The following COL25A1 variants were observed in gnomAD, a reference collection of about 807,000 sequenced individuals.
COL25A1 encodes collagen alpha-1(XXV) chain.
A neutral mutation model predicts 128.4 loss-of-function variants in COL25A1; 103 were observed. The observed-to-expected ratio is 0.80, with a 90% CI of 0.68 to 0.94. The LOEUF (loss-of-function observed/expected upper bound fraction) is 0.94. Among genes scored for constraint, COL25A1 ranks in the 40% least tolerant of loss-of-function variants. The probability of loss-of-function intolerance (pLI) is 0.00; values close to 1 mark genes in which losing one functional copy is unlikely to be tolerated. For missense variants in COL25A1, 745 were observed against 840.0 expected (o/e 0.89, Z 1.40); for synonymous variants, 279 against 277.2 (o/e 1.01, Z -0.06).
At chr4:109,156,706 T>C (rs572723162) in intron 3 of COL25A1, among the ~76,000 whole-genome samples, 100 of 152,150 alleles carry the variant, frequency 6.6e-4, no homozygotes, top group Non-Finnish European at 2.4e-4. Flanking sequence ...ATCACAAAGA[T>C]ACAAGAAAAT....
intron 18 of COL25A1, 103 bp downstream of exon 18, chr4:108,889,118 A>G (rs2125843891): frequency 9.1e-7 from 1 of 1,100,696 alleles, no homozygotes; most frequent in Non-Finnish European, 1.4e-6. Flanking sequence ...AAACATGAAA[A>G]CCGCATCATT....
intron 8 of COL25A1, among the ~76,000 whole-genome samples, chr4:108,958,313 C>T (rs142306680): frequency 2.0e-4 from 31 of 151,996 alleles, no homozygotes; most frequent in Non-Finnish European, 2.9e-4. Context: ...TTCCATTAAC[C>T]CAACTGCACA....
At chr4:109,256,713 G>C (rs1446638970) in intron 3 of COL25A1, among the ~76,000 whole-genome samples, 1 of 152,084 alleles carries the variant, frequency 6.6e-6, no homozygotes, top group Non-Finnish European at 1.5e-5. Context: ...CCTCTGACTT[G>C]CCACTGTCAT....
intron 3 of COL25A1, among the ~76,000 whole-genome samples, chr4:109,206,830 GCAGTC>G (rs536309375): frequency 2.6e-5 from 4 of 152,168 alleles, no homozygotes; most frequent in Non-Finnish European, 5.9e-5. Flanking sequence ...AGCCCTGGTG[GCAGTC>G]TGACAACTCC....
At position 109,173,249 on chromosome 4, in the gene COL25A1, C is replaced by G. The variant is rs1038656847; in HGVS notation, c.368-123070G>C. Among the ~76,000 whole-genome samples, 10 of 151,668 alleles carry G rather than the reference C, an allele frequency of 6.6e-5. 1 individual carries two copies. The highest frequency in any genetic ancestry group is 2.4e-4 in the African/African-American group (10 of 41,258). ...TACAGGCACACACCACCACATCCAG[C>G]TAATTTAAAAAAAAAAATAGTAGAG... On this transcript the variant is annotated intron_variant, in intron 3 of 37. Coordinates refer to ENST00000399132, the MANE Select transcript of COL25A1 (RefSeq NM_198721.4).
intron 3 of COL25A1, among the ~76,000 whole-genome samples, chr4:109,257,696 C>T (rs1303835535): frequency 6.6e-6 from 1 of 152,110 alleles, no homozygotes; most frequent in Non-Finnish European, 1.5e-5. Context: ...GAATTCGGGC[C>T]CAGTGTGGTC....
At chr4:108,857,275 T>C (rs936992386) in intron 24 of COL25A1, among the ~76,000 whole-genome samples, 15 of 152,128 alleles carry the variant, frequency 9.9e-5, no homozygotes, top group African/African-American at 3.6e-4. Flanking sequence ...TTGAAAACAG[T>C]AGGCACACCA....
At chr4:109,232,624 G>A (rs928173376) in intron 3 of COL25A1, among the ~76,000 whole-genome samples, 1 of 152,054 alleles carries the variant, frequency 6.6e-6, no homozygotes, top group African/African-American at 2.4e-5. Context: ...CCATTCAATT[G>A]GTCTGCAATT....
intron 3 of COL25A1, among the ~76,000 whole-genome samples, chr4:109,183,833 C>G (rs1399370731): frequency 6.8e-6 from 1 of 147,834 alleles, no homozygotes; most frequent in Non-Finnish European, 1.5e-5. Context: ...TTCCAGTGTC[C>G]AAGTTGAAAG....
intron 3 of COL25A1, among the ~76,000 whole-genome samples, chr4:109,072,477 T>C (rs1763049438): frequency 6.6e-6 from 1 of 152,210 alleles, no homozygotes; most frequent in Non-Finnish European, 1.5e-5. Context: ...CTATTATCAT[T>C]GATGTTTTCT....
chr4:109,109,994 G>A (rs10013451), intron 3 of COL25A1, among the ~76,000 whole-genome samples: 15,113 of 151,918 alleles, frequency 0.099, 1,026 homozygotes, highest in East Asian at 0.29. Context: ...TCCTTCACAC[G>A]TTTCTTTTCT....
chr4:109,031,351 C>T (rs953705854), intron 5 of COL25A1, among the ~76,000 whole-genome samples: 11 of 151,656 alleles, frequency 7.3e-5, no homozygotes, highest in Non-Finnish European at 1.5e-4. Flanking sequence ...CTTCTGACCT[C>T]GTGATCCGCC....
intron 6 of COL25A1, among the ~76,000 whole-genome samples, chr4:108,984,329 C>T (rs1753401718): frequency 6.6e-6 from 1 of 152,240 alleles, no homozygotes; most frequent in Non-Finnish European, 1.5e-5. Flanking sequence ...CTGGCTTCAC[C>T]CAGTGGATCC....
intron 13 of COL25A1, among the ~76,000 whole-genome samples, chr4:108,913,446 C>T (rs867172783): frequency 6.3e-4 from 95 of 151,726 alleles, no homozygotes; most frequent in African/African-American, 2.1e-3. Flanking sequence ...TTAGTACAGA[C>T]GGGGTTTCCC....
At chr4:109,128,250 T>C (rs1362546788) in intron 3 of COL25A1, among the ~76,000 whole-genome samples, 1 of 152,156 alleles carries the variant, frequency 6.6e-6, no homozygotes, top group Non-Finnish European at 1.5e-5. Flanking sequence ...ACATAGACCT[T>C]AGATAAGAGG....
At chr4:108,998,407 A>G (rs2126024354) in intron 6 of COL25A1, among the ~76,000 whole-genome samples, 1 of 152,338 alleles carries the variant, frequency 6.6e-6, no homozygotes, top group Non-Finnish European at 1.5e-5. Flanking sequence ...CCAACTTACA[A>G]GGGATGTGAA....
chr4:109,043,592 A>C (rs1760139987), intron 5 of COL25A1, among the ~76,000 whole-genome samples: 1 of 151,872 alleles, frequency 6.6e-6, no homozygotes. Flanking sequence ...CAGTTAAAAA[A>C]AAGGTCTCCT....
At chr4:109,082,258 G>A (rs1395539259) in intron 3 of COL25A1, among the ~76,000 whole-genome samples, 1 of 152,116 alleles carries the variant, frequency 6.6e-6, no homozygotes, top group Non-Finnish European at 1.5e-5. Flanking sequence ...AAATAATCCT[G>A]CTATGAACAT....
At chr4:108,911,661 C>T (rs953546613) in intron 13 of COL25A1, among the ~76,000 whole-genome samples, 7 of 152,018 alleles carry the variant, frequency 4.6e-5, no homozygotes, top group African/African-American at 1.7e-4. Context: ...AAAGCTTTTC[C>T]CAATTATGGA....
Sources: allele counts gnomAD v4.1 joint callset (sites outside exome capture counted in the v4.1 genomes callset), GRCh38; gene constraint gnomAD v4.1.1; transcripts MANE v1.5; gene names NCBI Gene and HGNC (gene_info 2026-07-23, HGNC 2026-07-21).